DERA: variants seen among roughly 807,000 people sequenced by gnomAD.
The protein encoded by DERA is deoxyribose-phosphate aldolase, also known as 2-deoxy-D-ribose 5-phosphate aldolase.
A neutral mutation model predicts 41.1 loss-of-function variants in DERA; 15 were observed. The ratio of observed to expected loss-of-function variants is 0.37; its 90% CI spans 0.24 to 0.56. The LOEUF is 0.56. Ranked by LOEUF, DERA falls within the 20% of genes least tolerant of loss-of-function variation. The pLI is 0.81. For missense variants in DERA, 396 were observed against 403.4 expected (o/e 0.98, Z 0.16); for synonymous variants, 139 against 137.4 (o/e 1.01, Z -0.08).
At chr12:15,946,859 AT>A (rs1356285656) in intron 1 of DERA, among the ~76,000 whole-genome samples, 2 of 152,160 alleles carry the variant, frequency 1.3e-5, no homozygotes, top group Non-Finnish European at 2.9e-5. Context: ...TCCTGTGGGC[AT>A]TTAGTGCTAT....
intron 1 of DERA, among the ~76,000 whole-genome samples, chr12:15,949,983 G>C (rs76127970): frequency 6.6e-6 from 1 of 151,954 alleles, no homozygotes; most frequent in African/African-American, 2.4e-5. Flanking sequence ...TCCATTTCCC[G>C]TACCTGGCCT....
chr12:15,935,378 T>G lies in DERA; in HGVS notation c.32-21558T>G, dbSNP rs575469257. ...GGCATCCACCTGTAGTCCTACCTAC[T>G]TGGGAGGCTGAGCTGGGAGGATTGC... On this transcript the variant is annotated intron_variant, in intron 1 of 8. Transcript: ENST00000428559. This position sits in a 1 kb window ranked among gnomAD's most constrained non-coding sequence, Gnocchi z 4.8. Among the ~76,000 whole-genome samples, 11 of 152,166 alleles carry G rather than the reference T, an allele frequency of 7.2e-5. No individual in the cohort carries two copies. Among genetic ancestry groups the G allele is most frequent in the African/African-American group, 2.7e-4 (11 of 41,502 alleles).
Position 16,021,214 on chromosome 12 carries a change from G to A in DERA, c.638-11328G>A, listed in dbSNP as rs1037498187. On this transcript the variant is annotated intron_variant, in intron 6 of 8. Coordinates refer to ENST00000428559, the MANE Select transcript of DERA (RefSeq NM_015954.4). This position sits in a 1 kb window ranked among gnomAD's most constrained non-coding sequence, Gnocchi z 5.3. The stretch of plus-strand genomic sequence containing the variant: ...GCCCAGAGGCCTAGGAGGAAAGAAT[G>A]GTTTTAGGGGACAGGCCCAGAGCCC... Among the ~76,000 whole-genome samples the A allele has an allele frequency of 2.6e-5, 4 of 152,208 alleles. No homozygotes were observed. The highest frequency in any genetic ancestry group is 2.0e-4 in the Admixed American group (3 of 15,284).
In DERA at chr12:15,976,692, C is replaced by T. The variant is rs928959720; in HGVS notation, c.509-5616C>T. 1.3e-5 allele frequency among the ~76,000 whole-genome samples: 2 copies of T among 152,188 alleles called. No homozygotes were observed. Among genetic ancestry groups the T allele is most frequent in the African/African-American group, 4.8e-5 (2 of 41,436 alleles). ...CGTGTGCTTATTATCAAAGGTGGATCTGAAGGAAAAATGATTGATTACCTT... is the reference window on the plus strand; with the variant it reads ...CGTGTGCTTATTATCAAAGGTGGATTTGAAGGAAAAATGATTGATTACCTT... On this transcript the variant is annotated intron_variant, in intron 5 of 8. Transcript: ENST00000428559. This position sits in a 1 kb window ranked among gnomAD's most constrained non-coding sequence, Gnocchi z 4.1.
chr12:15,925,896 C>T (rs1441151285), intron 1 of DERA, among the ~76,000 whole-genome samples: 1 of 141,296 alleles, frequency 7.1e-6, no homozygotes, highest in Non-Finnish European at 1.5e-5. Flanking sequence ...GGCACGATCT[C>T]GGCTCACTGC....
chr12:16,020,785 T>G lies in DERA; in HGVS notation c.638-11757T>G, dbSNP rs1949013130. Among the ~76,000 whole-genome samples the G allele has an allele frequency of 1.3e-5, 2 of 152,194 alleles. No individual in the cohort carries two copies. The highest frequency in any genetic ancestry group is 4.1e-4 in the South Asian group (2 of 4,828). ...TGAGAACTGGAGTGAAGGTCACCCC[T>G]GTTATGTCCTAGTAAAGAACTTGGC... is the stretch of plus-strand genomic sequence containing the variant. On this transcript the variant is annotated intron_variant, in intron 6 of 8. Transcript: ENST00000428559. This position sits in a 1 kb window ranked among gnomAD's most constrained non-coding sequence, Gnocchi z 5.5.
intron 6 of DERA, among the ~76,000 whole-genome samples, chr12:16,029,911 G>GTTT (rs1225412717): frequency 5.6e-4 from 38 of 67,890 alleles, no homozygotes; most frequent in South Asian, 1.2e-3. Context: ...TGTAGCCTTG[G>GTTT]TCTTTTTTTT....
intron 1 of DERA, among the ~76,000 whole-genome samples, chr12:15,952,650 T>C (rs181209188): frequency 6.1e-4 from 93 of 152,374 alleles, no homozygotes; most frequent in African/African-American, 2.1e-3. Context: ...TTAGATATTT[T>C]ACACCCTTCT....
rs1477393071 is a variant in DERA at position 15,993,529 on chromosome 12, A to C, written c.637+11093A>C. ...TAAGATCTTGCCTTTCATAGGAAAA[A>C]GCATTTAATTTATGAAAAGGTATGC... On this transcript the variant is annotated intron_variant, in intron 6 of 8. Transcript: ENST00000428559. The surrounding 1 kb of genome is among the most constrained non-coding windows in gnomAD (Gnocchi z 4.4). Among the ~76,000 whole-genome samples the C allele has an allele frequency of 6.6e-6, 1 of 151,460 alleles. No homozygotes were observed. Among genetic ancestry groups the C allele is most frequent in the Non-Finnish European group, 1.5e-5 (1 of 67,920 alleles).
chr12:15,970,879 G>A lies in DERA; in HGVS notation c.508+7932G>A, dbSNP rs1592026499. Among the ~76,000 whole-genome samples the A allele has an allele frequency of 6.6e-6, 1 of 152,156 alleles. No homozygotes were observed. The highest frequency in any genetic ancestry group is 1.9e-4 in the East Asian group (1 of 5,200). On this transcript the variant is annotated intron_variant, in intron 5 of 8. Transcript: ENST00000428559. This position sits in a 1 kb window ranked among gnomAD's most constrained non-coding sequence, Gnocchi z 4.3. ...CTAATGTCTAGTTTTAGCTTCTGGG[G>A]ATTACATTCTTCAGGTAAGAAGTGA...
intron 6 of DERA, among the ~76,000 whole-genome samples, chr12:16,022,068 G>C (rs1360841393): frequency 1.3e-5 from 2 of 152,216 alleles, no homozygotes; most frequent in East Asian, 3.8e-4. Flanking sequence ...TAGTTTGGAT[G>C]TTTGTCCCCT....
At chr12:15,974,364 A>G (rs191329598) in intron 5 of DERA, among the ~76,000 whole-genome samples, 6 of 152,342 alleles carry the variant, frequency 3.9e-5, no homozygotes, top group African/African-American at 1.2e-4. Context: ...TAACCTAAGA[A>G]TACTAAGAAC....
Position 15,970,627 on chromosome 12 carries a change from G to A in DERA, c.508+7680G>A, listed in dbSNP as rs1321182659. 6.6e-6 allele frequency among the ~76,000 whole-genome samples: 1 copy of A among 151,458 alleles called. No individual in the cohort carries two copies. Among genetic ancestry groups the A allele is most frequent in the Non-Finnish European group, 1.5e-5 (1 of 67,880 alleles). ...ACACCATTCTATTTTTGAAAATAAT[G>A]TTAAGAATGAGCTCATTAAAAAAGA... On this transcript the variant is annotated intron_variant, in intron 5 of 8. Transcript: ENST00000428559. This position sits in a 1 kb window ranked among gnomAD's most constrained non-coding sequence, Gnocchi z 4.3.
intron 1 of DERA, among the ~76,000 whole-genome samples, chr12:15,947,836 G>A (rs1388308328): frequency 6.6e-6 from 1 of 152,158 alleles, no homozygotes; most frequent in Non-Finnish European, 1.5e-5. Context: ...TGTTTTTTCA[G>A]TGGCTGGTAC....
At position 15,940,884 on chromosome 12, in the gene DERA, A is replaced by AATAG. The variant is rs963861324; in HGVS notation, c.32-16036_32-16033dup. On this transcript the variant is annotated intron_variant, in intron 1 of 8. Transcript: ENST00000428559. This position sits in a 1 kb window ranked among gnomAD's most constrained non-coding sequence, Gnocchi z 5.1. ...AGGTCATCCTGGAGTCTGATATATA[A>AATAG]ATAGATAGATAGATAGATATCTTTG... is the stretch of plus-strand genomic sequence containing the variant. Among the ~76,000 whole-genome samples the AATAG allele has an allele frequency of 7.2e-5, 11 of 152,276 alleles. No homozygotes were observed. The East Asian group carries it at 9.6e-4, about 13-fold the overall frequency.
At chr12:16,022,662 A>C (rs139919162) in intron 6 of DERA, among the ~76,000 whole-genome samples, 1 of 152,210 alleles carries the variant, frequency 6.6e-6, no homozygotes, top group Non-Finnish European at 1.5e-5. Flanking sequence ...TCTCAGACCC[A>C]TCAAAGACCT....
chr12:16,013,011 A>G lies in DERA; in HGVS notation c.638-19531A>G, dbSNP rs1324641652. 6.6e-6 allele frequency among the ~76,000 whole-genome samples: 1 copy of G among 152,186 alleles called. No individual in the cohort carries two copies. Among genetic ancestry groups the G allele is most frequent in the Non-Finnish European group, 1.5e-5 (1 of 68,042 alleles). ...TGCTCAGTAGCTACATATGGTGTGT[A>G]ACTATCATATTGGACTATGACGTGC... On this transcript the variant is annotated intron_variant, in intron 6 of 8. Coordinates refer to ENST00000428559, the MANE Select transcript of DERA (RefSeq NM_015954.4). This position sits in a 1 kb window ranked among gnomAD's most constrained non-coding sequence, Gnocchi z 5.8.
In DERA at chr12:15,943,042, GTGGT is replaced by G. The variant is rs1948419745; in HGVS notation, c.32-13890_32-13887del. On this transcript the variant is annotated intron_variant, in intron 1 of 8. Coordinates refer to ENST00000428559, the MANE Select transcript of DERA (RefSeq NM_015954.4). The surrounding 1 kb of genome is among the most constrained non-coding windows in gnomAD (Gnocchi z 4.5). ...CTTCAGTAGTTACTTAGAGCATAGAGTGGTTGGGGAGAGGGACAGCGATGTCACC... is the reference window on the plus strand; with the variant it reads ...CTTCAGTAGTTACTTAGAGCATAGAGTGGGGAGAGGGACAGCGATGTCACC... Among the ~76,000 whole-genome samples, 4 of 152,276 alleles carry G rather than the reference GTGGT, an allele frequency of 2.6e-5. No individual in the cohort carries two copies. The South Asian group carries it at 8.3e-4, about 32-fold the overall frequency.
intron 7 of DERA, among the ~76,000 whole-genome samples, chr12:16,034,250 T>C (rs769793126): frequency 1.3e-5 from 2 of 152,204 alleles, no homozygotes; most frequent in Non-Finnish European, 2.9e-5. Flanking sequence ...TAGTTAACCA[T>C]GTGCCATGTT....
Sources: gnomAD v4.1 joint callset for allele counts (sites outside exome capture counted in the v4.1 genomes callset) on GRCh38, gnomAD v4.1.1 for gene constraint, Gnocchi (gnomAD v3.1) non-coding constraint, MANE v1.5 for transcripts, NCBI Gene and HGNC (gene_info 2026-07-23, HGNC 2026-07-21) for gene names.